The following ITPR2 variants were observed in gnomAD, a reference collection of about 807,000 sequenced individuals.
ITPR2 encodes inositol 1,4,5-trisphosphate-gated calcium channel ITPR2.
In ITPR2, 207 loss-of-function variants were observed where a neutral mutation model predicts 317.1. The observed-to-expected ratio is 0.65, with a 90% CI of 0.58 to 0.73. The LOEUF (loss-of-function observed/expected upper bound fraction) is 0.73. Ranked by LOEUF, ITPR2 falls within the 30% of genes least tolerant of loss-of-function variation. The probability of loss-of-function intolerance (pLI) is 0.00; values close to 1 mark genes in which losing one functional copy is unlikely to be tolerated. For missense variants in ITPR2, 2,613 were observed against 3,284.0 expected, an observed-to-expected ratio of 0.80 and a Z score of 4.99; for synonymous variants, 1,156 against 1,149.1, an observed-to-expected ratio of 1.01 and a Z score of -0.12.
At chr12:26,768,778 T>C (rs1233462680) in intron 2 of ITPR2, among the ~76,000 whole-genome samples, 2 of 152,030 alleles carry the variant, frequency 1.3e-5, no homozygotes, top group African/African-American at 4.8e-5. Context: ...TGCACTTGTG[T>C]TTCATGCAGC....
intron 32 of ITPR2, among the ~76,000 whole-genome samples, chr12:26,588,625 T>G (rs571912362): frequency 6.6e-6 from 1 of 152,358 alleles, no homozygotes; most frequent in East Asian, 1.9e-4. Flanking sequence ...CTTACATATT[T>G]ATTTGGTAAG....
At chr12:26,487,879 C>T (rs1257092576) in intron 39 of ITPR2, among the ~76,000 whole-genome samples, 11 of 152,184 alleles carry the variant, frequency 7.2e-5, no homozygotes, top group Admixed American at 7.2e-4. Context: ...TCTTTTGGTT[C>T]CTCATTAGCT....
intron 21 of ITPR2, among the ~76,000 whole-genome samples, chr12:26,652,920 G>T (rs1040227309): frequency 6.6e-6 from 1 of 152,164 alleles, no homozygotes; most frequent in Non-Finnish European, 1.5e-5. Context: ...TCCAACCCAA[G>T]ACAATCGTCA....
chr12:26,816,916 T>C (rs1950865287), intron 1 of ITPR2, among the ~76,000 whole-genome samples: 1 of 151,970 alleles, frequency 6.6e-6, no homozygotes, highest in Non-Finnish European at 1.5e-5. Flanking sequence ...TGTGTAACTA[T>C]AAAGGTGAAA....
intron 10 of ITPR2, among the ~76,000 whole-genome samples, chr12:26,693,344 G>A (rs1375266886): frequency 6.6e-6 from 1 of 152,186 alleles, no homozygotes; most frequent in Non-Finnish European, 1.5e-5. Flanking sequence ...TTGATTAACA[G>A]AAAGAGTGAA....
At chr12:26,608,269 A>T (rs748217911) in intron 26 of ITPR2, among the ~76,000 whole-genome samples, 2 of 152,192 alleles carry the variant, frequency 1.3e-5, no homozygotes, top group Admixed American at 6.5e-5. Context: ...ATAAGTTAAT[A>T]AAAAAAGTTC....
At position 26,602,334 on chromosome 12, in the gene ITPR2, T is replaced by C. The variant is rs765282393; in HGVS notation, c.3678+36A>G. 1.7e-5 allele frequency: 26 copies of C among 1,566,082 alleles called. No individual in the cohort carries two copies. The South Asian group carries it at 2.8e-4, about 17-fold the overall frequency. On this transcript the variant is annotated intron_variant, in intron 28 of 56. Transcript: ENST00000381340. ...CAAAACATTTGAAATTGTATCAAAATAAAAAGCTAAAGAACAAAAAATAAC... is the reference window on the plus strand; with the variant it reads ...CAAAACATTTGAAATTGTATCAAAACAAAAAGCTAAAGAACAAAAAATAAC...
intron 32 of ITPR2, among the ~76,000 whole-genome samples, chr12:26,591,538 A>C (rs1352588193): frequency 6.6e-6 from 1 of 152,138 alleles, no homozygotes; most frequent in Non-Finnish European, 1.5e-5. Flanking sequence ...TTCCTCAAAA[A>C]ACTAAAAATA....
intron 13 of ITPR2, among the ~76,000 whole-genome samples, chr12:26,677,940 A>G (rs927789269): frequency 2.0e-5 from 3 of 152,142 alleles, no homozygotes; most frequent in Non-Finnish European, 4.4e-5. Context: ...CTGGGCTCCT[A>G]TCATGGGGAA....
At chr12:26,592,670 T>C (rs1565626321) in intron 32 of ITPR2, among the ~76,000 whole-genome samples, 1 of 152,238 alleles carries the variant, frequency 6.6e-6, no homozygotes, top group African/African-American at 2.4e-5. Context: ...AACCCTAAGA[T>C]GCTATGATTC....
At chr12:26,489,709 A>G (rs982359516) in intron 39 of ITPR2, among the ~76,000 whole-genome samples, 4 of 152,252 alleles carry the variant, frequency 2.6e-5, no homozygotes, top group African/African-American at 9.6e-5. Flanking sequence ...CTTCTCCTTC[A>G]GTTGATCTTT....
intron 9 of ITPR2, among the ~76,000 whole-genome samples, 193 bp downstream of exon 9, chr12:26,710,980 G>C (rs1948633896): frequency 6.6e-6 from 1 of 152,124 alleles, no homozygotes; most frequent in Non-Finnish European, 1.5e-5. Flanking sequence ...TATCGTTGTT[G>C]TCTTAATTTG....
intron 52 of ITPR2, among the ~76,000 whole-genome samples, chr12:26,404,271 G>T (rs2136657873): frequency 6.6e-6 from 1 of 152,244 alleles, no homozygotes; most frequent in South Asian, 2.1e-4. Flanking sequence ...CTTAGGAAAA[G>T]GATCGTCCCA....
At chr12:26,431,842 A>C (rs1407433808) in intron 48 of ITPR2, among the ~76,000 whole-genome samples, 1 of 152,186 alleles carries the variant, frequency 6.6e-6, no homozygotes, top group Non-Finnish European at 1.5e-5. Context: ...TACACGGCTC[A>C]TTCCCTCTGC....
At chr12:26,651,593 A>G (rs1235325850) in intron 21 of ITPR2, among the ~76,000 whole-genome samples, 1 of 152,192 alleles carries the variant, frequency 6.6e-6, no homozygotes, top group Non-Finnish European at 1.5e-5. Context: ...CCATGTTACA[A>G]TATTCTTCTG....
intron 1 of ITPR2, among the ~76,000 whole-genome samples, chr12:26,813,715 A>G (rs1950796820): frequency 6.6e-6 from 1 of 152,192 alleles, no homozygotes; most frequent in Non-Finnish European, 1.5e-5. Context: ...TGTGGCATGT[A>G]AAAGGACTCG....
chr12:26,711,173 C>G lies in ITPR2; in HGVS notation c.951G>C (p.Glu317Asp), dbSNP rs1202533685. The G allele has an allele frequency of 6.2e-7, 1 of 1,604,806 alleles. No individual in the cohort carries two copies. Among genetic ancestry groups the G allele is most frequent in the Non-Finnish European group, 8.5e-7 (1 of 1,171,658 alleles). Residue 317 changes from glutamate to aspartate, a missense_variant and splice_region_variant, in exon 9 of 57, where the codon GAG (glutamate) becomes GAC (aspartate). By Grantham distance (45) the Glu-to-Asp change is conservative. Transcript: ENST00000381340. The part of the protein sequence containing the change: ...HLATGNYLAA[E>D]LNPDYRDAQN... ...ATACCACTTTATCCATTAGTCTTAC[C>G]TCTGCAGCTAAATAGTTTCCAGTTG...
intron 55 of ITPR2, among the ~76,000 whole-genome samples, chr12:26,357,599 T>C (rs1050041902): frequency 6.6e-6 from 1 of 152,042 alleles, no homozygotes; most frequent in Non-Finnish European, 1.5e-5. Context: ...GCCAGATTTA[T>C]ATCCAGCCTG....
intron 10 of ITPR2, among the ~76,000 whole-genome samples, chr12:26,691,312 T>C (rs1331116505): frequency 2.6e-5 from 4 of 152,204 alleles, no homozygotes; most frequent in Non-Finnish European, 5.9e-5. Flanking sequence ...TAAACTCACA[T>C]TGATTTTTTT....
Sources: allele counts gnomAD v4.1 joint callset (sites outside exome capture counted in the v4.1 genomes callset), GRCh38; gene constraint gnomAD v4.1.1; transcripts MANE v1.5; gene names NCBI Gene and HGNC (gene_info 2026-07-23, HGNC 2026-07-21).